The following OPCML variants were observed in gnomAD, a reference collection of about 807,000 sequenced individuals.
OPCML encodes opioid binding protein/cell adhesion molecule like.
Under a neutral mutation model 37.8 loss-of-function variants are expected in OPCML, and 13 were observed. The ratio of observed to expected loss-of-function variants is 0.34; its 90% CI spans 0.22 to 0.55. The LOEUF is 0.55. Ranked by LOEUF, OPCML falls within the 20% of genes least tolerant of loss-of-function variation. The pLI is 0.91. For synonymous variants in OPCML, 176 were observed against 168.8 expected (o/e 1.04, Z -0.33); for missense variants, 341 against 435.6 (o/e 0.78, Z 1.93).
At chr11:133,265,809 T>C (rs1941642126) in intron 1 of OPCML, among the ~76,000 whole-genome samples, 1 of 152,236 alleles carries the variant, frequency 6.6e-6, no homozygotes, top group African/African-American at 2.4e-5. Flanking sequence ...AAATTGCTGC[T>C]GCAGTCCCAC....
chr11:132,672,992 C>T (rs188494674), intron 2 of OPCML, among the ~76,000 whole-genome samples: 169 of 151,916 alleles, frequency 1.1e-3, no homozygotes, highest in Non-Finnish European at 1.7e-3. Context: ...AGAGACTTTG[C>T]TCTTCTTAGG....
rs572491923 is a variant in OPCML at position 132,750,374 on chromosome 11, G to A, written c.147-93055C>T. Among the ~76,000 whole-genome samples, 126 of 152,324 alleles carry A rather than the reference G, an allele frequency of 8.3e-4. 3 individuals carry two copies. The South Asian group carries it at 0.018, about 22-fold the overall frequency. On this transcript the variant is annotated intron_variant, in intron 2 of 7. Coordinates refer to ENST00000524381, the MANE Select transcript of OPCML (RefSeq NM_001012393.5). ...TAGAAAAAGACAGCTGAGGAAGTAGGAAGGGACAACCACAGGAGGCAGGAA... is the reference window on the plus strand; with the variant it reads ...TAGAAAAAGACAGCTGAGGAAGTAGAAAGGGACAACCACAGGAGGCAGGAA...
intron 1 of OPCML, chr11:133,300,326 C>T (rs568172790): frequency 1.0e-3 from 159 of 152,110 alleles, no homozygotes; most frequent in African/African-American, 3.6e-3. Context: ...CCCTGCTGCT[C>T]TTGTGTGAAC....
In OPCML at chr11:132,523,228, A is replaced by G. The variant is rs150975769; in HGVS notation, c.505+5833T>C. On this transcript the variant is annotated intron_variant, in intron 4 of 7. Transcript: ENST00000524381. ...AGCTGATCAGTACATTTCTAACCTGAACATCTACCAGAGTGACTAGAAGAC... is the reference window on the plus strand; with the variant it reads ...AGCTGATCAGTACATTTCTAACCTGGACATCTACCAGAGTGACTAGAAGAC... Among the ~76,000 whole-genome samples the G allele has an allele frequency of 5.9e-5, 9 of 152,336 alleles. No individual in the cohort carries two copies. The East Asian group carries it at 1.7e-3, about 29-fold the overall frequency.
At chr11:133,149,550 G>A (rs533684150) in intron 1 of OPCML, among the ~76,000 whole-genome samples, 17 of 152,270 alleles carry the variant, frequency 1.1e-4, no homozygotes, top group Admixed American at 2.6e-4. Flanking sequence ...CTGATAAGTC[G>A]GTTGCCACCT....
intron 1 of OPCML, among the ~76,000 whole-genome samples, chr11:132,993,371 AG>A (rs1209397985): frequency 6.6e-6 from 1 of 152,166 alleles, no homozygotes; most frequent in East Asian, 1.9e-4. Context: ...CAGAAGGGAA[AG>A]CACCCTGCAT....
chr11:132,788,551 T>A (rs1221883624), intron 2 of OPCML, among the ~76,000 whole-genome samples: 2 of 152,188 alleles, frequency 1.3e-5, no homozygotes, highest in African/African-American at 4.8e-5. Flanking sequence ...AGACGGCAGG[T>A]ATTGGGATCT....
chr11:133,339,006 G>A (rs1943803999), intron 1 of OPCML, among the ~76,000 whole-genome samples: 1 of 152,158 alleles, frequency 6.6e-6, no homozygotes, highest in South Asian at 2.1e-4. Flanking sequence ...AGCTGACAAT[G>A]TTCCTATTGT....
In OPCML at chr11:132,496,336, C is replaced by T. The variant is rs143360400; in HGVS notation, c.505+32725G>A. Among the ~76,000 whole-genome samples, 265 of 152,298 alleles carry T rather than the reference C, an allele frequency of 1.7e-3. 1 individual carries two copies. The highest frequency in any genetic ancestry group is 6.3e-3 in the African/African-American group (260 of 41,552). ...CATTTTATAGCATGCTGGTAATATG[C>T]ACCCTTTGTAAAATGTGTTTTATTT... On this transcript the variant is annotated intron_variant, in intron 4 of 7. Transcript: ENST00000524381.
chr11:132,781,178 C>G (rs1210948611), intron 2 of OPCML, among the ~76,000 whole-genome samples: 2 of 152,034 alleles, frequency 1.3e-5, no homozygotes, highest in African/African-American at 4.8e-5. Context: ...TTTGGTCAAC[C>G]GTTATTCTGG....
At chr11:133,260,215 C>T (rs538959743) in intron 1 of OPCML, among the ~76,000 whole-genome samples, 1 of 151,052 alleles carries the variant, frequency 6.6e-6, no homozygotes. Context: ...TGCATTGGGG[C>T]CAGTGAGTGG....
intron 2 of OPCML, among the ~76,000 whole-genome samples, chr11:132,716,408 GTCTGTCTATCTA>G (rs1464516093): frequency 1.9e-4 from 8 of 41,752 alleles, no homozygotes; most frequent in East Asian, 2.8e-3. Context: ...CTATCTATCT[GTCTGTCTATCTA>G]TCTATCTATC....
chr11:132,805,493 C>G (rs1252812298), intron 2 of OPCML, among the ~76,000 whole-genome samples: 2 of 152,118 alleles, frequency 1.3e-5, no homozygotes, highest in East Asian at 3.9e-4. Context: ...AGAACCACAC[C>G]TAGGCACATC....
At chr11:132,677,729 A>G (rs1479462980) in intron 2 of OPCML, among the ~76,000 whole-genome samples, 1 of 152,182 alleles carries the variant, frequency 6.6e-6, no homozygotes, top group Non-Finnish European at 1.5e-5. Context: ...AAGAATCTAG[A>G]CACAGATCTT....
intron 1 of OPCML, among the ~76,000 whole-genome samples, chr11:133,513,546 G>A (rs1377624559): frequency 6.6e-6 from 1 of 152,196 alleles, no homozygotes; most frequent in Non-Finnish European, 1.5e-5. Context: ...GGCAGAGCTA[G>A]TTTCTTCCTT....
At chr11:132,729,765 G>A (rs866707902) in intron 2 of OPCML, among the ~76,000 whole-genome samples, 79 of 152,238 alleles carry the variant, frequency 5.2e-4, no homozygotes, top group Middle Eastern at 3.4e-3. Context: ...ACATCAGACC[G>A]CCTTTGTTGG....
chr11:132,919,255 A>G (rs1944707506), intron 2 of OPCML, among the ~76,000 whole-genome samples: 1 of 152,188 alleles, frequency 6.6e-6, no homozygotes, highest in Non-Finnish European at 1.5e-5. Context: ...AGGTAAAGGC[A>G]TGTTCTAAGA....
intron 1 of OPCML, among the ~76,000 whole-genome samples, chr11:133,516,967 T>C (rs2120667168): frequency 6.6e-6 from 1 of 152,342 alleles, no homozygotes; most frequent in Admixed American, 6.5e-5. Context: ...AGCAACGGCA[T>C]TGTACCCACA....
chr11:133,466,868 T>C (rs1257759996), intron 1 of OPCML, among the ~76,000 whole-genome samples: 1 of 152,176 alleles, frequency 6.6e-6, no homozygotes, highest in East Asian at 1.9e-4. Context: ...TCTCATCTCA[T>C]GTAGCCAATG....
Sources: allele counts gnomAD v4.1 joint callset (sites outside exome capture counted in the v4.1 genomes callset), GRCh38; gene constraint gnomAD v4.1.1; transcripts MANE v1.5; gene names NCBI Gene and HGNC (gene_info 2026-07-23, HGNC 2026-07-21).